The following DGKI variants were observed in gnomAD, a reference collection of about 807,000 sequenced individuals.
The protein encoded by DGKI is diacylglycerol kinase iota.
Under a neutral mutation model 147.5 loss-of-function variants are expected in DGKI, and 55 were observed. The ratio of observed to expected loss-of-function variants is 0.37; its 90% confidence interval spans 0.30 to 0.47. The LOEUF (loss-of-function observed/expected upper bound fraction) is 0.47. DGKI is among the 20% of genes least tolerant of loss of function. The probability of loss-of-function intolerance (pLI) is 1.00; values close to 1 mark genes in which losing one functional copy is unlikely to be tolerated. For missense variants in DGKI, 1,007 were observed against 1,323.8 expected (o/e 0.76, Z 3.71); for synonymous variants, 469 against 477.1 (o/e 0.98, Z 0.22).
intron 17 of DGKI, among the ~76,000 whole-genome samples, chr7:137,573,700 T>C (rs834441): frequency 0.17 from 25,793 of 152,060 alleles, 4,590 homozygotes; most frequent in African/African-American, 0.44. Flanking sequence ...CCACTGCGCC[T>C]GGCCATTCAG....
At chr7:137,482,697 C>T (rs1385239243) in intron 23 of DGKI, among the ~76,000 whole-genome samples, 2 of 152,022 alleles carry the variant, frequency 1.3e-5, no homozygotes, top group Non-Finnish European at 2.9e-5. Context: ...GTTCTCCTTG[C>T]CCTGCTCAGG....
intron 1 of DGKI, chr7:137,722,028 G>T: frequency 6.3e-7 from 1 of 1,586,050 alleles, no homozygotes; most frequent in East Asian, 2.2e-5. Flanking sequence ...CTAAAGAGAA[G>T]AAACCTGAAG....
chr7:137,725,623 T>C (rs1377368326), intron 1 of DGKI, among the ~76,000 whole-genome samples: 3 of 151,972 alleles, frequency 2.0e-5, no homozygotes, highest in Non-Finnish European at 4.4e-5. Context: ...AAGGTTGTGA[T>C]ATTTTTCTCA....
At chr7:137,412,535 G>A (rs1356310585) in intron 28 of DGKI, among the ~76,000 whole-genome samples, 1 of 152,134 alleles carries the variant, frequency 6.6e-6, no homozygotes, top group African/African-American at 2.4e-5. Flanking sequence ...TAACCCCTCT[G>A]AGCCTCAGTT....
At chr7:137,640,420 T>C (rs1821583778) in intron 6 of DGKI, among the ~76,000 whole-genome samples, 2 of 152,260 alleles carry the variant, frequency 1.3e-5, no homozygotes, top group Middle Eastern at 6.8e-3. Flanking sequence ...TTCCTTGCCC[T>C]TGTACTGCCC....
intron 1 of DGKI, among the ~76,000 whole-genome samples, chr7:137,738,046 T>C (rs543943985): frequency 1.0e-3 from 155 of 152,278 alleles, no homozygotes; most frequent in African/African-American, 3.6e-3. Context: ...TTTCATGTTC[T>C]AGGCACAGTG....
At chr7:137,427,391 A>G (rs1163131003) in intron 28 of DGKI, among the ~76,000 whole-genome samples, 3 of 152,202 alleles carry the variant, frequency 2.0e-5, no homozygotes, top group Non-Finnish European at 4.4e-5. Flanking sequence ...TCTGGGACAC[A>G]TTCAAAGCAG....
intron 10 of DGKI, among the ~76,000 whole-genome samples, chr7:137,606,548 G>A (rs1384761089): frequency 1.3e-5 from 2 of 152,000 alleles, no homozygotes; most frequent in African/African-American, 4.8e-5. Context: ...AGCATCTTAG[G>A]GCCCACCCCG....
intron 27 of DGKI, among the ~76,000 whole-genome samples, chr7:137,448,988 G>A (rs957541930): frequency 2.0e-5 from 3 of 152,056 alleles, no homozygotes; most frequent in Non-Finnish European, 4.4e-5. Context: ...GAAAGAAATT[G>A]AAAAAGATAC....
chr7:137,714,922 GTATGAA>G (rs1332604014), intron 1 of DGKI, among the ~76,000 whole-genome samples: 2 of 152,128 alleles, frequency 1.3e-5, no homozygotes, highest in Non-Finnish European at 2.9e-5. Context: ...GCCTTCGTAA[GTATGAA>G]TCCTTCCACC....
chr7:137,472,318 A>AAT lies in DGKI; in HGVS notation c.2374-2701_2374-2700dup, dbSNP rs1814971463. Among the ~76,000 whole-genome samples the AAT allele has an allele frequency of 4.9e-5, 4 of 81,352 alleles. 1 individual carries two copies. The highest frequency in any genetic ancestry group is 2.2e-4 in the African/African-American group (2 of 9,072). 53.4% of individuals were successfully genotyped at this position (81,352 alleles called of 152,430 possible). A position where few individuals can be genotyped will look rare whatever the true frequency, so the allele number is the denominator to read the frequency against. ...TGTATATTTATGTGTATATACATAT[A>AAT]ATTATTATATGTATATATACATATA... On this transcript the variant is annotated intron_variant, in intron 23 of 32. Coordinates refer to ENST00000614521, the MANE Select transcript of DGKI (RefSeq NM_001321708.2).
chr7:137,403,648 T>C (rs1008213256), intron 30 of DGKI, among the ~76,000 whole-genome samples: 2 of 152,202 alleles, frequency 1.3e-5, no homozygotes, highest in African/African-American at 4.8e-5. Flanking sequence ...TCCTTCAGAA[T>C]TGCTATTACT....
chr7:137,672,728 C>G (rs895583929), intron 3 of DGKI, among the ~76,000 whole-genome samples: 2 of 150,910 alleles, frequency 1.3e-5, no homozygotes, highest in African/African-American at 4.9e-5. Flanking sequence ...CCCCCATCAC[C>G]ACATGGCCTT....
intron 20 of DGKI, among the ~76,000 whole-genome samples, chr7:137,522,829 T>G (rs1817009898): frequency 6.6e-6 from 1 of 152,126 alleles, no homozygotes; most frequent in Admixed American, 6.6e-5. Context: ...AATACATTTC[T>G]TCAATATATT....
chr7:137,618,296 G>T, intron 8 of DGKI, among the ~76,000 whole-genome samples: 1 of 146,556 alleles, frequency 6.8e-6, no homozygotes, highest in Non-Finnish European at 1.5e-5. Context: ...CACACCCTCT[G>T]CATAAACCCT....
At chr7:137,634,854 TAAG>T (rs1167102888) in intron 6 of DGKI, among the ~76,000 whole-genome samples, 1 of 152,144 alleles carries the variant, frequency 6.6e-6, no homozygotes, top group Non-Finnish European at 1.5e-5. Context: ...ACAGGAATAA[TAAG>T]AAATCCTCCT....
intron 1 of DGKI, among the ~76,000 whole-genome samples, chr7:137,810,508 G>T (rs1384386190): frequency 6.6e-6 from 1 of 152,168 alleles, no homozygotes; most frequent in African/African-American, 2.4e-5. Flanking sequence ...GGGACATCAA[G>T]GCCACACCTT....
intron 1 of DGKI, among the ~76,000 whole-genome samples, chr7:137,823,946 A>G (rs1797978175): frequency 1.3e-5 from 2 of 152,256 alleles, no homozygotes; most frequent in South Asian, 4.1e-4. Context: ...TGACTCGGCT[A>G]TGGATAAGAT....
chr7:137,525,115 T>C (rs1817098655), intron 20 of DGKI, among the ~76,000 whole-genome samples: 1 of 152,154 alleles, frequency 6.6e-6, no homozygotes, highest in Non-Finnish European at 1.5e-5. Flanking sequence ...GACACTATTA[T>C]TTGAATCAAA....
Sources: allele counts gnomAD v4.1 joint callset (sites outside exome capture counted in the v4.1 genomes callset), GRCh38; gene constraint gnomAD v4.1.1; transcripts MANE v1.5; gene names NCBI Gene and HGNC (gene_info 2026-07-23, HGNC 2026-07-21).